The following SP4 variants were observed in gnomAD, a reference collection of about 807,000 sequenced individuals.
The protein encoded by SP4 is Sp4 transcription factor, also known as transcription factor Sp4.
In SP4, 19 loss-of-function variants were observed where a neutral mutation model predicts 72.8. That is an observed-to-expected ratio of 0.26 (90% CI 0.18 to 0.38). The LOEUF is 0.38. Among genes scored for constraint, SP4 ranks in the 10% least tolerant of loss-of-function variants. The pLI is 1.00. For synonymous variants in SP4, 395 were observed against 333.1 expected (o/e 1.19, Z -2.02); for missense variants, 1,008 against 926.3 (o/e 1.09, Z -1.14).
chr7:21,477,420 G>C, intron 4 of SP4, 113 bp downstream of exon 4: 3 of 673,528 alleles, frequency 4.5e-6, no homozygotes, highest in Non-Finnish European at 7.9e-6. Context: ...TTGTAGCCTA[G>C]AAGTTGATAT....
At chr7:21,505,758 C>T (rs990472591) in intron 5 of SP4, among the ~76,000 whole-genome samples, 2 of 152,146 alleles carry the variant, frequency 1.3e-5, no homozygotes, top group African/African-American at 2.4e-5. Context: ...TCTATACAAC[C>T]CATCAGGCTC....
At chr7:21,484,100 A>G (rs1237683098) in intron 5 of SP4, among the ~76,000 whole-genome samples, 2 of 151,990 alleles carry the variant, frequency 1.3e-5, no homozygotes, top group Non-Finnish European at 3.0e-5. Context: ...AAATTATGAA[A>G]TCTATTAAAA....
At position 21,430,378 on chromosome 7, in the gene SP4, C is replaced by G. The variant is rs775863548; in HGVS notation, c.1213C>G (p.Gln405Glu). The change falls in exon 3 of 6, where the codon CAG (glutamine) becomes GAG (glutamate). Residue 405 changes from glutamine (Q) to glutamate (E), a missense_variant. By Grantham distance (29) the Gln-to-Glu change is conservative. This residue lies in a region of SP4 where 893 missense variants were observed against 743.3 expected (regional missense o/e 1.20). Transcript: ENST00000222584. ...GCAAATTGTAGGCCAACCTATCTTA[C>G]AGCAGATCCAGATCCAACAGCCTCA... is the stretch of plus-strand genomic sequence containing the variant. The part of the protein sequence containing the change: ...QVQIVGQPIL[Q>E]QIQIQQPQQQ... The G allele has an allele frequency of 1.9e-6, 3 of 1,614,084 alleles. No individual in the cohort carries two copies. The highest frequency in any genetic ancestry group is 4.5e-5 in the East Asian group (2 of 44,906).
At chr7:21,440,039 C>T (rs1466780795) in intron 3 of SP4, among the ~76,000 whole-genome samples, 11 of 152,148 alleles carry the variant, frequency 7.2e-5, no homozygotes, top group Admixed American at 7.2e-4. Context: ...AATACCTGTG[C>T]TTGATCAGAG....
intron 3 of SP4, among the ~76,000 whole-genome samples, chr7:21,454,344 C>T (rs1233780141): frequency 1.5e-5 from 2 of 131,726 alleles, no homozygotes; most frequent in African/African-American, 6.0e-5. Context: ...TTATAAATTC[C>T]CTTTTACTAA....
chr7:21,464,590 T>C (rs1440260917), intron 3 of SP4, among the ~76,000 whole-genome samples: 1 of 151,874 alleles, frequency 6.6e-6, no homozygotes, highest in Non-Finnish European at 1.5e-5. Flanking sequence ...TATTTTTTTT[T>C]TTTTTTTAGA....
chr7:21,496,845 C>CTGCTTGGCAGAAGCTTG (rs1781721293), intron 5 of SP4, among the ~76,000 whole-genome samples: 2 of 152,338 alleles, frequency 1.3e-5, no homozygotes, highest in South Asian at 4.1e-4. Flanking sequence ...CCTTAGCCTT[C>CTGCTTGGCAGAAGCTTG]ACTTTCTGCT....
chr7:21,452,374 G>T (rs956082655), intron 3 of SP4, among the ~76,000 whole-genome samples: 71 of 152,288 alleles, frequency 4.7e-4, no homozygotes, highest in African/African-American at 1.6e-3. Flanking sequence ...CTTAAGCCCA[G>T]CTATCAGTTG....
chr7:21,495,182 G>T (rs1785076930), intron 5 of SP4, among the ~76,000 whole-genome samples: 2 of 152,088 alleles, frequency 1.3e-5, no homozygotes, highest in African/African-American at 4.8e-5. Context: ...GGCTACGAGT[G>T]CTTTAACACA....
At chr7:21,502,822 C>T (rs2128416384) in intron 5 of SP4, among the ~76,000 whole-genome samples, 1 of 152,226 alleles carries the variant, frequency 6.6e-6, no homozygotes, top group Admixed American at 6.5e-5. Context: ...GAATAAATCG[C>T]CCTACAGGGT....
intron 3 of SP4, among the ~76,000 whole-genome samples, chr7:21,436,764 A>C (rs1783062889): frequency 6.6e-6 from 1 of 152,224 alleles, no homozygotes; most frequent in Admixed American, 6.5e-5. Flanking sequence ...CTGTTGAACC[A>C]CAAATTGCTT....
chr7:21,479,034 C>G (rs1237540971), intron 4 of SP4, among the ~76,000 whole-genome samples: 1 of 150,992 alleles, frequency 6.6e-6, no homozygotes, highest in Non-Finnish European at 1.5e-5. Context: ...CGCCACTGCA[C>G]TCCAGCCTGG....
chr7:21,491,231 A>G (rs775248266), intron 5 of SP4, among the ~76,000 whole-genome samples: 1 of 152,230 alleles, frequency 6.6e-6, no homozygotes, highest in Non-Finnish European at 1.5e-5. Context: ...ATAAAAAAGA[A>G]CTAAATAGAA....
At position 21,428,743 on chromosome 7, in the gene SP4, C is replaced by T. The variant is rs766032968; in HGVS notation, c.74C>T (p.Thr25Ile). ...AAAMATEGGK[T>I]SEPENNNKKP... ...GCGATGGCTACAGAAGGAGGGAAAA[C>T]CTCTGAGCCAGAGAATAACAATAAA... The change falls in exon 2 of 6, where the codon ACC becomes ATC. Residue 25 changes from threonine (T) to isoleucine (I), a missense_variant. Physicochemically the swap from Thr to Ile is moderately conservative, Grantham distance 89. Coordinates refer to ENST00000222584, the MANE Select transcript of SP4 (RefSeq NM_003112.5). 1.1e-5 allele frequency: 17 copies of T among 1,553,514 alleles called. No individual in the cohort carries two copies. The highest frequency in any genetic ancestry group is 2.4e-5 in the South Asian group (2 of 84,160).
At chr7:21,476,078 C>T (rs1283407810) in intron 3 of SP4, among the ~76,000 whole-genome samples, 3 of 151,982 alleles carry the variant, frequency 2.0e-5, no homozygotes, top group African/African-American at 7.2e-5. Flanking sequence ...TGAGACCAGC[C>T]TGGCAAACAT....
At chr7:21,456,585 G>GA (rs1416586922) in intron 3 of SP4, among the ~76,000 whole-genome samples, 2 of 152,212 alleles carry the variant, frequency 1.3e-5, no homozygotes, top group Non-Finnish European at 2.9e-5. Flanking sequence ...CATGCAAAGT[G>GA]AAAACGAAGA....
Position 21,511,212 on chromosome 7 carries a change from T to C in SP4, c.2298T>C (p.Ile766=). The part of the protein sequence containing the change: ...GSPRIVTVAA[I]SQDSNPATPN... ...CAAGAATTGTCACAGTTGCAGCCAT[T>C]TCTCAAGATTCGAATCCAGCAACTC... The change falls in exon 6 of 6, where the codon ATT becomes ATC. Residue 766 remains isoleucine (I), a synonymous_variant. Coordinates refer to ENST00000222584, the MANE Select transcript of SP4 (RefSeq NM_003112.5). The C allele has an allele frequency of 6.2e-7, 1 of 1,614,156 alleles. No homozygotes were observed.
intron 3 of SP4, among the ~76,000 whole-genome samples, chr7:21,466,356 T>G (rs1784167872): frequency 6.6e-6 from 1 of 152,190 alleles, no homozygotes; most frequent in South Asian, 2.1e-4. Context: ...ACATTTGCAG[T>G]TTGTTTTACT....
chr7:21,461,567 C>T (rs1421334913), intron 3 of SP4, among the ~76,000 whole-genome samples: 2 of 152,200 alleles, frequency 1.3e-5, no homozygotes, highest in Non-Finnish European at 2.9e-5. Context: ...CACACCCACC[C>T]GGAACTCTAG....
Sources: allele counts gnomAD v4.1 joint callset (sites outside exome capture counted in the v4.1 genomes callset), GRCh38; gene constraint gnomAD v4.1.1; regional missense constraint gnomAD v4.1.1; transcripts MANE v1.5; gene names NCBI Gene and HGNC (gene_info 2026-07-23, HGNC 2026-07-21).